ARHGAP15: variants seen among roughly 807,000 people sequenced by gnomAD.
The protein encoded by ARHGAP15 is Rho GTPase activating protein 15, also known as rho GTPase-activating protein 15.
A neutral mutation model predicts 63.7 loss-of-function variants in ARHGAP15; 51 were observed. The observed-to-expected ratio is 0.80, with a 90% confidence interval of 0.64 to 1.01. The LOEUF (loss-of-function observed/expected upper bound fraction) is 1.01, where lower values mean the gene tolerates loss of function less well. ARHGAP15 is among the 50% of genes least tolerant of loss of function. ARHGAP15 has a pLI of 0.00. For missense variants in ARHGAP15, 560 were observed against 564.6 expected (o/e 0.99, Z 0.08); for synonymous variants, 191 against 193.8 (o/e 0.99, Z 0.12).
At chr2:143,745,576 G>A (rs1192968791) in intron 13 of ARHGAP15, among the ~76,000 whole-genome samples, 2 of 151,920 alleles carry the variant, frequency 1.3e-5, no homozygotes, top group East Asian at 1.9e-4. Flanking sequence ...TAAATGTAAA[G>A]GTACATATAA....
At chr2:143,318,534 T>TTC (rs1683838351) in intron 6 of ARHGAP15, among the ~76,000 whole-genome samples, 1 of 127,654 alleles carries the variant, frequency 7.8e-6, no homozygotes, top group Non-Finnish European at 1.7e-5. Context: ...TTTTTTTTTT[T>TTC]TCGAACAGTC....
At chr2:143,383,278 C>T (rs969852970) in intron 6 of ARHGAP15, among the ~76,000 whole-genome samples, 2 of 152,146 alleles carry the variant, frequency 1.3e-5, no homozygotes, top group Non-Finnish European at 2.9e-5. Context: ...GTCATTGTCA[C>T]TTCTATTGGA....
chr2:143,530,993 A>C (rs566728433), intron 10 of ARHGAP15, among the ~76,000 whole-genome samples: 3 of 152,314 alleles, frequency 2.0e-5, no homozygotes, highest in African/African-American at 7.2e-5. Context: ...TACAGCAAAG[A>C]ACAATGTGGT....
At chr2:143,147,348 T>C (rs1387020694) in intron 1 of ARHGAP15, among the ~76,000 whole-genome samples, 2 of 152,046 alleles carry the variant, frequency 1.3e-5, no homozygotes, top group Non-Finnish European at 2.9e-5. Flanking sequence ...CCTTAATTGA[T>C]AGTTGTACGC....
intron 6 of ARHGAP15, among the ~76,000 whole-genome samples, chr2:143,348,013 T>C (rs914761773): frequency 2.0e-5 from 3 of 152,154 alleles, no homozygotes; most frequent in African/African-American, 7.2e-5. Context: ...GACACTCAAT[T>C]GACAAAGTAT....
At position 143,219,252 on chromosome 2, in the gene ARHGAP15, T is replaced by C. The variant is rs145790603; in HGVS notation, c.296+2807T>C. On this transcript the variant is annotated intron_variant, in intron 4 of 13. Coordinates refer to ENST00000295095, the MANE Select transcript of ARHGAP15 (RefSeq NM_018460.4). ...TGTTACAATTGCCTACAGTATTCAGTACAGTAACATGCTGTACAGGTTTGT... is the reference window on the plus strand; with the variant it reads ...TGTTACAATTGCCTACAGTATTCAGCACAGTAACATGCTGTACAGGTTTGT... 3.3e-3 allele frequency among the ~76,000 whole-genome samples: 504 copies of C among 152,300 alleles called. 4 individuals are homozygous for C. The highest frequency in any genetic ancestry group is 0.012 in the African/African-American group (487 of 41,554).
intron 2 of ARHGAP15, among the ~76,000 whole-genome samples, chr2:143,174,946 G>A (rs926000484): frequency 7.9e-5 from 12 of 152,172 alleles, no homozygotes; most frequent in East Asian, 1.9e-4. Context: ...ACATATCAAC[G>A]TTATTCACTC....
chr2:143,480,415 G>T (rs979314278), intron 8 of ARHGAP15, among the ~76,000 whole-genome samples: 2 of 152,176 alleles, frequency 1.3e-5, no homozygotes, highest in Non-Finnish European at 2.9e-5. Context: ...TAGATAGCAT[G>T]AATATTAATC....
intron 6 of ARHGAP15, among the ~76,000 whole-genome samples, chr2:143,338,769 C>T (rs1684924568): frequency 6.6e-6 from 1 of 152,156 alleles, no homozygotes; most frequent in Middle Eastern, 3.2e-3. Flanking sequence ...AAAACCTGTG[C>T]ACCAATGCCC....
intron 2 of ARHGAP15, among the ~76,000 whole-genome samples, chr2:143,164,229 C>A (rs1690410396): frequency 6.6e-6 from 1 of 151,978 alleles, no homozygotes; most frequent in East Asian, 1.9e-4. Flanking sequence ...CTTTGAATCC[C>A]CATGTTCCTA....
intron 2 of ARHGAP15, among the ~76,000 whole-genome samples, chr2:143,190,845 AC>A (rs1691660022): frequency 1.3e-5 from 2 of 152,198 alleles, no homozygotes; most frequent in Non-Finnish European, 2.9e-5. Flanking sequence ...ATCTCGGCTC[AC>A]TGCAACCTCC....
intron 12 of ARHGAP15, among the ~76,000 whole-genome samples, chr2:143,701,416 A>T (rs1268148460): frequency 6.6e-6 from 1 of 152,184 alleles, no homozygotes; most frequent in Non-Finnish European, 1.5e-5. Flanking sequence ...GCTTCAGTAC[A>T]CAGGGCTTAT....
intron 11 of ARHGAP15, among the ~76,000 whole-genome samples, chr2:143,591,195 T>C (rs1341875928): frequency 6.6e-6 from 1 of 152,214 alleles, no homozygotes; most frequent in African/African-American, 2.4e-5. Context: ...GTTACTTTAT[T>C]ATTTTTCCTA....
intron 6 of ARHGAP15, among the ~76,000 whole-genome samples, chr2:143,294,376 C>A (rs1466699436): frequency 6.6e-6 from 1 of 152,072 alleles, no homozygotes; most frequent in Non-Finnish European, 1.5e-5. Flanking sequence ...TAGGATAATA[C>A]TAGCTGCTGT....
chr2:143,557,009 A>T (rs1054203222), intron 11 of ARHGAP15, among the ~76,000 whole-genome samples: 1 of 152,148 alleles, frequency 6.6e-6, no homozygotes. Flanking sequence ...ATGCTGGCCA[A>T]GATGTGGAGC....
At chr2:143,298,209 C>A (rs541050211) in intron 6 of ARHGAP15, among the ~76,000 whole-genome samples, 1 of 151,908 alleles carries the variant, frequency 6.6e-6, no homozygotes, top group Non-Finnish European at 1.5e-5. Flanking sequence ...ATCTCATCCA[C>A]GTATGTATTG....
chr2:143,235,007 A>G (rs1693586416), intron 5 of ARHGAP15, among the ~76,000 whole-genome samples: 1 of 152,166 alleles, frequency 6.6e-6, no homozygotes, highest in Non-Finnish European at 1.5e-5. Context: ...ATAGCTTCTC[A>G]TTGCAATCTA....
chr2:143,416,782 G>GC (rs1472714884), intron 6 of ARHGAP15, among the ~76,000 whole-genome samples: 1 of 151,234 alleles, frequency 6.6e-6, no homozygotes, highest in Non-Finnish European at 1.5e-5. Context: ...CATAGACCCT[G>GC]CCTCTGCCCT....
chr2:143,355,359 T>G (rs1189365664), intron 6 of ARHGAP15, among the ~76,000 whole-genome samples: 1 of 152,204 alleles, frequency 6.6e-6, no homozygotes, highest in Non-Finnish European at 1.5e-5. Context: ...GAAAAATGTT[T>G]CTTGTCGGTG....
Sources: allele counts gnomAD v4.1 joint callset (sites outside exome capture counted in the v4.1 genomes callset), GRCh38; gene constraint gnomAD v4.1.1; transcripts MANE v1.5; gene names NCBI Gene and HGNC (gene_info 2026-07-23, HGNC 2026-07-21).